CSMD1: variants seen among roughly 807,000 people sequenced by gnomAD.
The protein encoded by CSMD1 is CUB and Sushi multiple domains 1.
In CSMD1, 213 loss-of-function variants were observed where a neutral mutation model predicts 417.5. The observed-to-expected ratio is 0.51, with a 90% CI of 0.46 to 0.57. The LOEUF (loss-of-function observed/expected upper bound fraction) is 0.57. Among genes scored for constraint, CSMD1 ranks in the 20% least tolerant of loss-of-function variants. CSMD1 has a pLI of 0.00. For missense variants in CSMD1, 6,923 were observed against 4,529.7 expected, an observed-to-expected ratio of 1.53 and a Z score of -15.17; for synonymous variants, 2,862 against 1,736.8, an observed-to-expected ratio of 1.65 and a Z score of -16.11.
At chr8:3,939,903 G>A (rs1429842607) in intron 5 of CSMD1, among the ~76,000 whole-genome samples, 1 of 151,952 alleles carries the variant, frequency 6.6e-6, no homozygotes, top group Non-Finnish European at 1.5e-5. Flanking sequence ...ACTACATATT[G>A]GGTTCACTGT....
At chr8:3,293,151 G>T (rs1454784934) in intron 25 of CSMD1, among the ~76,000 whole-genome samples, 4 of 43,432 alleles carry the variant, frequency 9.2e-5, no homozygotes, top group African/African-American at 1.6e-4. Flanking sequence ...GTTGAATATT[G>T]CCCCCACTCT....
chr8:4,633,651 G>A (rs917498984), intron 2 of CSMD1, among the ~76,000 whole-genome samples: 5 of 151,534 alleles, frequency 3.3e-5, no homozygotes, highest in South Asian at 2.1e-4. Flanking sequence ...CCATTTCCCA[G>A]GTTCAAGTGA....
chr8:4,234,565 C>G (rs1000081795), intron 3 of CSMD1, among the ~76,000 whole-genome samples: 2 of 152,164 alleles, frequency 1.3e-5, no homozygotes, highest in Non-Finnish European at 2.9e-5. Flanking sequence ...TCCTTTAGTA[C>G]AATTCTGCGC....
At chr8:4,360,005 T>A (rs1464840888) in intron 3 of CSMD1, among the ~76,000 whole-genome samples, 1 of 152,234 alleles carries the variant, frequency 6.6e-6, no homozygotes, top group Non-Finnish European at 1.5e-5. Flanking sequence ...CCATCCCAGT[T>A]GTGGAGTTCC....
intron 7 of CSMD1, among the ~76,000 whole-genome samples, chr8:3,651,349 C>G (rs753005228): frequency 6.6e-6 from 1 of 152,166 alleles, no homozygotes; most frequent in Non-Finnish European, 1.5e-5. Flanking sequence ...CACCCCCACA[C>G]ACTTCACATA....
chr8:3,806,780 T>C (rs1362474317), intron 5 of CSMD1, among the ~76,000 whole-genome samples: 2 of 152,230 alleles, frequency 1.3e-5, no homozygotes, highest in African/African-American at 4.8e-5. Flanking sequence ...TTAGTTGTTT[T>C]AGCTACTAAA....
At chr8:4,222,260 T>C (rs1322966635) in intron 3 of CSMD1, among the ~76,000 whole-genome samples, 1 of 152,160 alleles carries the variant, frequency 6.6e-6, no homozygotes, top group Non-Finnish European at 1.5e-5. Flanking sequence ...GCTAATCTTT[T>C]CCCAGTTATG....
At chr8:4,948,611 T>C (rs1186794747) in intron 1 of CSMD1, among the ~76,000 whole-genome samples, 1 of 152,084 alleles carries the variant, frequency 6.6e-6, no homozygotes, top group Non-Finnish European at 1.5e-5. Context: ...TCCTTCTCAA[T>C]TACATTATAA....
intron 3 of CSMD1, among the ~76,000 whole-genome samples, chr8:4,163,878 A>T (rs1196881345): frequency 6.6e-6 from 1 of 152,200 alleles, no homozygotes; most frequent in African/African-American, 2.4e-5. Flanking sequence ...ATGAAAAGAG[A>T]AACACTGGGT....
chr8:4,301,652 C>A, intron 3 of CSMD1, among the ~76,000 whole-genome samples: 1 of 152,202 alleles, frequency 6.6e-6, no homozygotes, highest in East Asian at 1.9e-4. Flanking sequence ...CTGCTGTTAA[C>A]TTTCAGGCCT....
intron 3 of CSMD1, among the ~76,000 whole-genome samples, chr8:4,093,404 A>C (rs1487822053): frequency 1.3e-5 from 2 of 152,222 alleles, no homozygotes; most frequent in Non-Finnish European, 2.9e-5. Flanking sequence ...AAATTGTTTA[A>C]AGCCAACAGA....
intron 3 of CSMD1, among the ~76,000 whole-genome samples, chr8:4,415,954 G>A (rs992081839): frequency 5.9e-5 from 9 of 152,144 alleles, no homozygotes; most frequent in African/African-American, 2.2e-4. Flanking sequence ...TAGCAGCCAT[G>A]GGATCTCGGG....
At chr8:3,380,151 C>G (rs1810545066) in intron 18 of CSMD1, among the ~76,000 whole-genome samples, 1 of 152,196 alleles carries the variant, frequency 6.6e-6, no homozygotes. Flanking sequence ...CTCATCATCA[C>G]TGGTCATTAG....
chr8:4,333,718 C>T (rs1035228597), intron 3 of CSMD1, among the ~76,000 whole-genome samples: 5 of 152,114 alleles, frequency 3.3e-5, no homozygotes, highest in African/African-American at 9.7e-5. Context: ...GAAAGGACTG[C>T]TTACAATGAC....
chr8:4,036,281 G>T (rs913418717), intron 3 of CSMD1, among the ~76,000 whole-genome samples: 2 of 152,118 alleles, frequency 1.3e-5, no homozygotes, highest in Non-Finnish European at 2.9e-5. Flanking sequence ...TCAAGATGCT[G>T]TTGTTATGGT....
chr8:3,187,264 G>C (rs962441151), intron 36 of CSMD1, among the ~76,000 whole-genome samples: 3 of 152,178 alleles, frequency 2.0e-5, no homozygotes, highest in African/African-American at 7.2e-5. Context: ...TCTGGAGGCA[G>C]GATATCCTGT....
intron 3 of CSMD1, among the ~76,000 whole-genome samples, chr8:4,060,645 C>T (rs1225900041): frequency 6.6e-6 from 1 of 152,108 alleles, no homozygotes; most frequent in African/African-American, 2.4e-5. Flanking sequence ...GGAGGATCTG[C>T]AAAGGAGAAG....
intron 10 of CSMD1, among the ~76,000 whole-genome samples, chr8:3,510,006 G>A (rs542794931): frequency 6.6e-6 from 1 of 152,218 alleles, no homozygotes; most frequent in Admixed American, 6.5e-5. Context: ...CTCTCCAATT[G>A]ACGTATACAA....
intron 16 of CSMD1, among the ~76,000 whole-genome samples, chr8:3,397,472 G>A (rs1811772441): frequency 6.6e-6 from 1 of 152,134 alleles, no homozygotes; most frequent in Non-Finnish European, 1.5e-5. Flanking sequence ...AGTGAATGTG[G>A]TACCCTGGGC....
Sources: gnomAD v4.1 joint callset for allele counts (sites outside exome capture counted in the v4.1 genomes callset) on GRCh38, gnomAD v4.1.1 for gene constraint, MANE v1.5 for transcripts, NCBI Gene and HGNC (gene_info 2026-07-23, HGNC 2026-07-21) for gene names.